The following TRIM37 variants were observed in gnomAD, a reference collection of about 807,000 sequenced individuals.
TRIM37 encodes the protein tripartite motif containing 37.
Under a neutral mutation model 129.8 loss-of-function variants are expected in TRIM37, and 80 were observed. The ratio of observed to expected loss-of-function variants is 0.62; its 90% CI spans 0.51 to 0.74. The LOEUF (loss-of-function observed/expected upper bound fraction) is 0.74. TRIM37 is among the 30% of genes least tolerant of loss of function. TRIM37 has a pLI of 0.00. For missense variants in TRIM37, 1,054 were observed against 1,176.5 expected (o/e 0.90, Z 1.52); for synonymous variants, 389 against 387.1 (o/e 1.00, Z -0.06).
At chr17:59,064,930 A>C (rs12950373) in intron 9 of TRIM37, among the ~76,000 whole-genome samples, 36,634 of 151,852 alleles carry the variant, frequency 0.24, 4,703 homozygotes, top group African/African-American at 0.33. Context: ...GTGCGCCTGC[A>C]ATCCCAGCTA....
chr17:58,967,253 A>C, the TRIM37 span, among the ~76,000 whole-genome samples: 1 of 152,174 alleles, frequency 6.6e-6, no homozygotes, highest in Non-Finnish European at 1.5e-5. Context: ...AATGCAGAAA[A>C]GTCTTAGGCA....
At chr17:59,038,329 G>C (rs987227953) in intron 17 of TRIM37, among the ~76,000 whole-genome samples, 4 of 152,014 alleles carry the variant, frequency 2.6e-5, no homozygotes, top group African/African-American at 9.7e-5. Flanking sequence ...CTCACCCTTA[G>C]GTTATAAATT....
At chr17:59,037,557 CAAAAA>C (rs58856834) in intron 17 of TRIM37, among the ~76,000 whole-genome samples, 21 of 74,022 alleles carry the variant, frequency 2.8e-4, no homozygotes, top group South Asian at 1.3e-3. Flanking sequence ...GACTCTGTCT[CAAAAA>C]AAAAAAAAAA....
intron 17 of TRIM37, among the ~76,000 whole-genome samples, chr17:59,036,542 G>A (rs1769819912): frequency 6.6e-6 from 1 of 150,972 alleles, no homozygotes; most frequent in African/African-American, 2.4e-5. Context: ...GAGTACGGTG[G>A]CAGAATCATG....
At chr17:59,023,371 C>T (rs1301049441) in intron 19 of TRIM37, among the ~76,000 whole-genome samples, 2 of 152,164 alleles carry the variant, frequency 1.3e-5, no homozygotes, top group African/African-American at 4.8e-5. Flanking sequence ...AGCCATTGCA[C>T]ACAGCTTTTT....
intron 8 of TRIM37, among the ~76,000 whole-genome samples, chr17:59,072,459 A>T (rs968353751): frequency 6.6e-6 from 1 of 152,118 alleles, no homozygotes; most frequent in African/African-American, 2.4e-5. Context: ...TGGGCACAAT[A>T]GCTCACACCT....
chr17:58,986,388 G>A (rs1398597319), intron 24 of TRIM37, among the ~76,000 whole-genome samples: 1 of 151,530 alleles, frequency 6.6e-6, no homozygotes, highest in Admixed American at 6.6e-5. Context: ...TAGTGGAGGT[G>A]GGGTTTCACC....
chr17:59,104,167 ACCC>A, intron 2 of TRIM37, 123 bp downstream of exon 2: 1 of 797,200 alleles, frequency 1.3e-6, no homozygotes, highest in Admixed American at 2.4e-5. Flanking sequence ...GTATTCCTCA[ACCC>A]CAAGCACAGT....
chr17:59,016,456 C>T (rs1254838295), intron 20 of TRIM37, among the ~76,000 whole-genome samples: 1 of 149,892 alleles, frequency 6.7e-6, no homozygotes, highest in African/African-American at 2.4e-5. Flanking sequence ...GTTTTTTATG[C>T]CAAGCATCTA....
In TRIM37 at chr17:59,106,726, C is replaced by A. The variant is rs1422605085; in HGVS notation, c.-265G>T. On this transcript the variant is annotated 5_prime_UTR_variant, in exon 1 of 24. Coordinates refer to ENST00000262294, the MANE Select transcript of TRIM37 (RefSeq NM_015294.6). ...CGCAGCTCCTTTCTCCCGGCTCAGC[C>A]GCCGGCCAGCAGCCGCGCCGGAACC... 1.7e-6 allele frequency: 1 copy of A among 574,110 alleles called. No individual in the cohort carries two copies. The highest frequency in any genetic ancestry group is 3.1e-6 in the Non-Finnish European group (1 of 323,128). 35.6% of individuals were successfully genotyped at this position (574,110 alleles called of 1,614,324 possible).
In TRIM37 at chr17:58,998,778, T is replaced by G; in HGVS notation, c.*599A>C. 1.0e-6 allele frequency: 1 copy of G among 986,298 alleles called. No homozygotes were observed. The highest frequency in any genetic ancestry group is 1.2e-6 in the Non-Finnish European group (1 of 830,532). The allele number at this position is 986,298 out of a possible 1,614,324, so 61.1% of individuals were successfully genotyped here. ...GAAGTCACACAACAGAAAGATACCA[T>G]GCGGTTGAACAGTGTGCCTGTACTT... On this transcript the variant is annotated 3_prime_UTR_variant, in exon 24 of 24. Coordinates refer to ENST00000262294, the MANE Select transcript of TRIM37 (RefSeq NM_015294.6).
intron 24 of TRIM37, among the ~76,000 whole-genome samples, chr17:58,989,455 T>C (rs967651519): frequency 6.6e-6 from 1 of 151,916 alleles, no homozygotes; most frequent in African/African-American, 2.4e-5. Context: ...AAAAATAAAA[T>C]TATGTTTACT....
intron 17 of TRIM37, among the ~76,000 whole-genome samples, chr17:59,039,276 C>A (rs1278813744): frequency 3.9e-5 from 6 of 152,026 alleles, no homozygotes; most frequent in African/African-American, 9.7e-5. Flanking sequence ...CCTATGTTAC[C>A]CTTCCCTCCT....
chr17:59,058,983 A>C (rs1288345738), intron 12 of TRIM37, among the ~76,000 whole-genome samples: 2 of 152,242 alleles, frequency 1.3e-5, no homozygotes, highest in East Asian at 3.8e-4. Flanking sequence ...TTGTGCATTA[A>C]TGCACATTAT....
chr17:59,016,303 A>G (rs1381869628), intron 20 of TRIM37, among the ~76,000 whole-genome samples: 1 of 150,776 alleles, frequency 6.6e-6, no homozygotes, highest in African/African-American at 2.4e-5. Flanking sequence ...CTGAGGCAGG[A>G]GAATCACTTG....
chr17:59,099,088 C>T (rs1366607326), intron 2 of TRIM37, among the ~76,000 whole-genome samples: 1 of 152,108 alleles, frequency 6.6e-6, no homozygotes, highest in Non-Finnish European at 1.5e-5. Context: ...GAGGCTGAGG[C>T]AGCAGACTCG....
At chr17:59,096,135 G>A (rs1176386175) in intron 2 of TRIM37, among the ~76,000 whole-genome samples, 1 of 152,044 alleles carries the variant, frequency 6.6e-6, no homozygotes, top group Non-Finnish European at 1.5e-5. Context: ...CCAAAAACCT[G>A]TAAGAATGAG....
At chr17:58,980,476 T>A, downstream of TRIM37, 1 of 1,614,136 alleles carries the variant, frequency 6.2e-7, no homozygotes, top group Non-Finnish European at 8.5e-7. This position sits in a 1 kb window ranked among gnomAD's most constrained non-coding sequence, Gnocchi z 4.7. Flanking sequence ...GCTACCTAGA[T>A]CTCACACAAA....
At chr17:59,083,541 T>A (rs2043492621) in intron 5 of TRIM37, among the ~76,000 whole-genome samples, 1 of 152,060 alleles carries the variant, frequency 6.6e-6, no homozygotes, top group Admixed American at 6.6e-5. Context: ...AATGGTAGAC[T>A]GTCTTTAAAA....
Sources: gnomAD v4.1 joint callset for allele counts (sites outside exome capture counted in the v4.1 genomes callset) on GRCh38, gnomAD v4.1.1 for gene constraint, Gnocchi (gnomAD v3.1) non-coding constraint, MANE v1.5 for transcripts, NCBI Gene and HGNC (gene_info 2026-07-23, HGNC 2026-07-21) for gene names.